Variants in NELL1 observed in about 807,000 individuals in gnomAD.
NELL1 encodes the protein protein kinase C-binding protein NELL1.
Under a neutral mutation model 107.4 loss-of-function variants are expected in NELL1, and 76 were observed. The observed-to-expected ratio is 0.71, with a 90% CI of 0.59 to 0.86. The LOEUF is 0.86. Among genes scored for constraint, NELL1 ranks in the 40% least tolerant of loss-of-function variants. NELL1 has a pLI of 0.00. For missense variants in NELL1, 1,024 were observed against 1,005.5 expected (o/e 1.02, Z -0.25); for synonymous variants, 353 against 341.2 (o/e 1.03, Z -0.38).
intron 15 of NELL1, among the ~76,000 whole-genome samples, chr11:21,375,451 A>G (rs749520781): frequency 5.3e-5 from 8 of 152,188 alleles, no homozygotes; most frequent in South Asian, 2.1e-4. Context: ...CCACTCCACT[A>G]TTGAGCACTT....
At chr11:21,086,278 G>A (rs1341286029) in intron 12 of NELL1, among the ~76,000 whole-genome samples, 2 of 151,764 alleles carry the variant, frequency 1.3e-5, no homozygotes, top group African/African-American at 2.4e-5. Context: ...TTTTTTTTCA[G>A]CCTCTTGATT....
At chr11:21,206,786 T>A (rs139294709) in intron 13 of NELL1, among the ~76,000 whole-genome samples, 25 of 152,300 alleles carry the variant, frequency 1.6e-4, no homozygotes, top group Admixed American at 6.5e-4. Context: ...ATGTTCATAC[T>A]GAGACTCCCT....
chr11:21,058,419 T>A (rs1853661329), intron 12 of NELL1, among the ~76,000 whole-genome samples: 1 of 152,196 alleles, frequency 6.6e-6, no homozygotes, highest in Non-Finnish European at 1.5e-5. Context: ...TTAGCTTGTT[T>A]AAATTAAATC....
At chr11:21,388,885 G>A (rs997195010) in intron 15 of NELL1, among the ~76,000 whole-genome samples, 3 of 151,632 alleles carry the variant, frequency 2.0e-5, no homozygotes, top group African/African-American at 7.3e-5. Context: ...TTCTGAATAG[G>A]CATCTAAAAT....
intron 12 of NELL1, among the ~76,000 whole-genome samples, chr11:21,016,506 A>G (rs1852568301): frequency 6.6e-6 from 1 of 152,110 alleles, no homozygotes; most frequent in African/African-American, 2.4e-5. Flanking sequence ...TGTTCTAGCC[A>G]TAGTGAAGAT....
rs75646892 is a variant in NELL1, at chr11:20,790,757, G to A, written c.335+6927G>A. On this transcript the variant is annotated intron_variant, in intron 3 of 19. Transcript: ENST00000357134. The stretch of plus-strand genomic sequence containing the variant: ...CCTGGGTCTGTAGCTGCAAGTGGGC[G>A]GCTGCAGCTATGCCTGGGGAACTTC... Among the ~76,000 whole-genome samples the A allele has an allele frequency of 7.4e-3, 1,122 of 152,276 alleles. 12 individuals are homozygous for A. The highest frequency in any genetic ancestry group is 0.026 in the African/African-American group (1,063 of 41,566).
intron 15 of NELL1, among the ~76,000 whole-genome samples, chr11:21,406,180 T>C (rs7925240): frequency 0.028 from 4,233 of 152,120 alleles, 172 homozygotes; most frequent in African/African-American, 0.092. Context: ...TATGATTGTT[T>C]AGTTCCTAGG....
At chr11:21,395,805 T>A (rs1590896840) in intron 15 of NELL1, among the ~76,000 whole-genome samples, 1 of 151,272 alleles carries the variant, frequency 6.6e-6, no homozygotes, top group Non-Finnish European at 1.5e-5. Context: ...ACTCCTCGAT[T>A]GTGTCTCAAA....
chr11:20,669,616 G>A lies in NELL1; in HGVS notation c.-108G>A, dbSNP rs925255500. On this transcript the variant is annotated 5_prime_UTR_variant, in exon 1 of 20. Coordinates refer to ENST00000357134, the MANE Select transcript of NELL1 (RefSeq NM_006157.5). The surrounding 1 kb of genome is among the most constrained non-coding windows in gnomAD (Gnocchi z 4.4). ...GCGCTGCCGAGCCACCTCCCCCGCC[G>A]CCCGCTAGCAAGTTTGGCGGCTCCA... 1.6e-4 allele frequency: 148 copies of A among 930,678 alleles called. No individual in the cohort carries two copies. In the African/African-American group the frequency reaches 2.2e-3, roughly 14 times the overall value. 57.7% of individuals were successfully genotyped at this position (930,678 alleles called of 1,614,324 possible).
intron 12 of NELL1, among the ~76,000 whole-genome samples, chr11:21,052,723 G>C (rs968534861): frequency 6.6e-6 from 1 of 152,086 alleles, no homozygotes; most frequent in African/African-American, 2.4e-5. Context: ...TGAGTGAGGA[G>C]AAGCCCCCAC....
chr11:21,316,584 C>T (rs1849885299), intron 14 of NELL1, among the ~76,000 whole-genome samples: 1 of 152,132 alleles, frequency 6.6e-6, no homozygotes, highest in Non-Finnish European at 1.5e-5. Context: ...GGTCAGGTGT[C>T]CCCACCTCCA....
chr11:20,913,117 C>G (rs878906917), intron 5 of NELL1, among the ~76,000 whole-genome samples: 4 of 152,122 alleles, frequency 2.6e-5, no homozygotes, highest in Admixed American at 2.6e-4. Context: ...TGAAAACCCT[C>G]CCTGTGAGTT....
intron 13 of NELL1, among the ~76,000 whole-genome samples, chr11:21,170,769 GA>G (rs1328593847): frequency 7.3e-5 from 11 of 150,532 alleles, no homozygotes; most frequent in Non-Finnish European, 1.5e-4. Context: ...TAAAACAAGT[GA>G]AAAAATTTAC....
Position 21,119,644 on chromosome 11 carries a change from T to C in NELL1, c.1426+5930T>C, listed in dbSNP as rs1370549457. 3.9e-5 allele frequency among the ~76,000 whole-genome samples: 6 copies of C among 152,218 alleles called. No homozygotes were observed. In the East Asian group the frequency reaches 1.2e-3, roughly 29 times the overall value. ...GGGGGAGTTTTTAGCCTTGGAATTTTCGTGTGGATTGAAATTGCGTTGTTT... is the reference window on the plus strand; with the variant it reads ...GGGGGAGTTTTTAGCCTTGGAATTTCCGTGTGGATTGAAATTGCGTTGTTT... On this transcript the variant is annotated intron_variant, in intron 13 of 19. Coordinates refer to ENST00000357134, the MANE Select transcript of NELL1 (RefSeq NM_006157.5).
At chr11:21,388,641 T>C (rs1260727969) in intron 15 of NELL1, among the ~76,000 whole-genome samples, 2 of 151,860 alleles carry the variant, frequency 1.3e-5, no homozygotes, top group Non-Finnish European at 2.9e-5. Flanking sequence ...ATATGAATCA[T>C]TCAGTTCCAC....
intron 12 of NELL1, among the ~76,000 whole-genome samples, chr11:21,107,802 C>G (rs770689332): frequency 3.9e-5 from 6 of 152,102 alleles, no homozygotes; most frequent in African/African-American, 7.2e-5. Flanking sequence ...GGTCCAACTC[C>G]CTGAATGTAT....
chr11:20,750,906 G>A (rs1452413430), intron 2 of NELL1, among the ~76,000 whole-genome samples: 1 of 152,126 alleles, frequency 6.6e-6, no homozygotes, highest in African/African-American at 2.4e-5. Context: ...ATTTTTGTGT[G>A]TGATATAAAA....
chr11:20,752,563 A>G (rs989211825), intron 2 of NELL1, among the ~76,000 whole-genome samples: 1 of 152,160 alleles, frequency 6.6e-6, no homozygotes, highest in African/African-American at 2.4e-5. Context: ...ATAAATAAAT[A>G]AATACATAAA....
chr11:20,746,566 T>TCACACACACACA (rs10556247), intron 2 of NELL1, among the ~76,000 whole-genome samples: 50 of 149,380 alleles, frequency 3.3e-4, no homozygotes, highest in African/African-American at 6.9e-4. Flanking sequence ...GTGACAGATT[T>TCACACACACACA]CACACACACA....
Sources: gnomAD v4.1 joint callset for allele counts (sites outside exome capture counted in the v4.1 genomes callset) on GRCh38, gnomAD v4.1.1 for gene constraint, Gnocchi (gnomAD v3.1) non-coding constraint, MANE v1.5 for transcripts, NCBI Gene and HGNC (gene_info 2026-07-23, HGNC 2026-07-21) for gene names.